The following GRK3 variants were observed in gnomAD, a reference collection of about 807,000 sequenced individuals.
GRK3 encodes the protein adrenergic, beta, receptor kinase 2.
A neutral mutation model predicts 95.7 loss-of-function variants in GRK3; 54 were observed. The ratio of observed to expected loss-of-function variants is 0.56; its 90% CI spans 0.45 to 0.71. The LOEUF (loss-of-function observed/expected upper bound fraction) is 0.71. GRK3 is among the 30% of genes least tolerant of loss of function. GRK3 has a pLI of 0.00. For missense variants in GRK3, 649 were observed against 851.2 expected (o/e 0.76, Z 2.96); for synonymous variants, 281 against 290.8 (o/e 0.97, Z 0.34).
chr22:25,711,111 C>T lies in GRK3; in HGVS notation c.1439C>T (p.Ala480Val). 1 of 1,613,816 alleles carries T rather than the reference C, an allele frequency of 6.2e-7. No individual in the cohort carries two copies. Among genetic ancestry groups the T allele is most frequent in the African/African-American group, 1.3e-5 (1 of 75,026 alleles). The stretch of plus-strand genomic sequence containing the variant: ...CCTCCCCGGGGAGAAGTCAATGCTG[C>T]TGATGCCTTTGATATTGGCTCATTT... ...LIPPRGEVNA[A>V]DAFDIGSFDE... The change falls in exon 17 of 21, where the codon GCT becomes GTT. Residue 480 changes from alanine to valine, a missense_variant. Ala to Val is a moderately conservative substitution (Grantham distance 64). Transcript: ENST00000324198.
intron 1 of GRK3, among the ~76,000 whole-genome samples, chr22:25,590,550 G>A (rs970265633): frequency 3.9e-5 from 6 of 152,142 alleles, no homozygotes; most frequent in African/African-American, 1.2e-4. Context: ...GGCCGGGCGC[G>A]GTGGCTCATG....
intron 2 of GRK3, among the ~76,000 whole-genome samples, chr22:25,619,851 G>A (rs2084568248): frequency 6.6e-6 from 1 of 151,930 alleles, no homozygotes; most frequent in South Asian, 2.1e-4. Flanking sequence ...CATCTATGAA[G>A]TGGTTGGTTT....
In GRK3 at chr22:25,721,386, TTGCAA is replaced by T; in HGVS notation, c.1897_1901del (p.Gln633Ter). ...AATAAAAGGAGGGAAACAATTTGTC[TTGCAA>T]TGTGAGGTGAGTTTTTATTTTTTCT... On this transcript the variant is annotated frameshift_variant, in exon 20 of 21. Transcript: ENST00000324198. LOFTEE classifies it high-confidence loss of function. 1 of 1,573,198 alleles carries T rather than the reference TTGCAA, an allele frequency of 6.4e-7. No individual in the cohort carries two copies. Among genetic ancestry groups the T allele is most frequent in the South Asian group, 1.2e-5 (1 of 86,468 alleles).
rs2085453127 is a variant in GRK3 at position 25,723,779 on chromosome 22, AT to A, written c.*1330del. ...CTACTAACAGTATAAATAACTTGAC[AT>A]CGTAATTGTCTGCATCCTGTCCTTG... On this transcript the variant is annotated 3_prime_UTR_variant, in exon 21 of 21. Transcript: ENST00000324198. The A allele has an allele frequency of 6.6e-6, 1 of 152,190 alleles. No individual in the cohort carries two copies. The highest frequency in any genetic ancestry group is 2.4e-5 in the African/African-American group (1 of 41,452). The allele number at this position is 152,190 out of a possible 1,614,324, so 9.4% of individuals were successfully genotyped here. A position where few individuals can be genotyped will look rare whatever the true frequency, so the allele number is the denominator to read the frequency against.
intron 1 of GRK3, among the ~76,000 whole-genome samples, chr22:25,594,285 T>C (rs1229919064): frequency 1.3e-5 from 2 of 152,198 alleles, no homozygotes; most frequent in South Asian, 2.1e-4. Flanking sequence ...ATTTCTTTCA[T>C]TGGTGTTTTG....
chr22:25,668,435 C>T (rs566206379), intron 6 of GRK3, among the ~76,000 whole-genome samples: 3 of 152,288 alleles, frequency 2.0e-5, no homozygotes, highest in Admixed American at 2.0e-4. Flanking sequence ...ATATCTCATG[C>T]TAGAGCTTTC....
chr22:25,569,030 A>T (rs184302961), intron 1 of GRK3, among the ~76,000 whole-genome samples: 1 of 152,312 alleles, frequency 6.6e-6, no homozygotes, highest in African/African-American at 2.4e-5. Context: ...TTTATTCGGT[A>T]ATTGTTTAAC....
intron 1 of GRK3, among the ~76,000 whole-genome samples, chr22:25,579,852 A>G (rs901662634): frequency 7.9e-5 from 12 of 152,170 alleles, no homozygotes; most frequent in African/African-American, 2.7e-4. Flanking sequence ...CCATTTTGCA[A>G]TTCTTAATGA....
intron 2 of GRK3, among the ~76,000 whole-genome samples, chr22:25,620,011 T>TGC (rs2084571410): frequency 2.0e-5 from 2 of 99,684 alleles, no homozygotes; most frequent in Admixed American, 1.8e-4. Flanking sequence ...CTTTTTTGTG[T>TGC]GTGTGTGTGT....
At chr22:25,683,570 TTC>T in intron 9 of GRK3, among the ~76,000 whole-genome samples, 1 of 152,244 alleles carries the variant, frequency 6.6e-6, no homozygotes, top group East Asian at 1.9e-4. Flanking sequence ...TTTTTAGCTG[TTC>T]TCGTGGGTTT....
At chr22:25,615,197 G>C (rs1218432302) in intron 2 of GRK3, among the ~76,000 whole-genome samples, 1 of 152,168 alleles carries the variant, frequency 6.6e-6, no homozygotes, top group African/African-American at 2.4e-5. Flanking sequence ...CTCTCTGCCA[G>C]TGTCCACGTA....
chr22:25,661,763 G>C, intron 4 of GRK3, 86 bp downstream of exon 4: 1 of 831,590 alleles, frequency 1.2e-6, no homozygotes, highest in Non-Finnish European at 1.8e-6. Context: ...TTAAACAGTA[G>C]AAAGGTGTTT....
At chr22:25,683,253 C>T (rs2085088472) in intron 9 of GRK3, among the ~76,000 whole-genome samples, 1 of 152,222 alleles carries the variant, frequency 6.6e-6, no homozygotes, top group African/African-American at 2.4e-5. Context: ...TATAAATATA[C>T]CATACTATCC....
At chr22:25,566,484 T>C (rs891236361) in intron 1 of GRK3, among the ~76,000 whole-genome samples, 12 of 152,240 alleles carry the variant, frequency 7.9e-5, no homozygotes, top group African/African-American at 2.9e-4. Context: ...ACATGCTTGC[T>C]AGGTATTTTG....
chr22:25,601,163 C>G (rs1347170907), intron 1 of GRK3, among the ~76,000 whole-genome samples: 2 of 152,162 alleles, frequency 1.3e-5, no homozygotes, highest in Non-Finnish European at 2.9e-5. Context: ...ACCAACTTGA[C>G]CCAGTTGGTG....
At position 25,690,198 on chromosome 22, in the gene GRK3, A is replaced by G; in HGVS notation, c.967A>G (p.Ile323Val). 6.2e-7 allele frequency: 1 copy of G among 1,613,686 alleles called. No individual in the cohort carries two copies. Among genetic ancestry groups the G allele is most frequent in the Non-Finnish European group, 8.5e-7 (1 of 1,179,718 alleles). ...VVYRDLKPAN[I>V]LLDEHGHARI... ...TTCTCTTTCTGTTTAGCCAGCAAAT[A>G]TTCTCTTGGATGAACATGGACACGC... Residue 323 changes from isoleucine to valine, a missense_variant, in exon 12 of 21, where the codon ATT becomes GTT. Physicochemically the swap from Ile to Val is conservative, Grantham distance 29. Coordinates refer to ENST00000324198, the MANE Select transcript of GRK3 (RefSeq NM_005160.4).
chr22:25,709,846 T>A lies in GRK3; in HGVS notation c.1329-52T>A, dbSNP rs372724630. ...ACAGGAGACAGTTTTGCACAATATT[T>A]ATTACGTTTCCAAATGCATACTCAG... On this transcript the variant is annotated intron_variant, in intron 15 of 20. Coordinates refer to ENST00000324198, the MANE Select transcript of GRK3 (RefSeq NM_005160.4). 5.7e-5 allele frequency: 77 copies of A among 1,362,784 alleles called. No homozygotes were observed. In the African/African-American group the frequency reaches 1.0e-3, roughly 18 times the overall value. 84.4% of individuals were successfully genotyped at this position (1,362,784 alleles called of 1,614,324 possible).
At chr22:25,689,413 C>A (rs1425658495) in intron 11 of GRK3, among the ~76,000 whole-genome samples, 1 of 152,126 alleles carries the variant, frequency 6.6e-6, no homozygotes, top group Non-Finnish European at 1.5e-5. Flanking sequence ...AAACTTAATT[C>A]TAGTCACTCA....
chr22:25,614,021 A>G (rs2084518810), intron 2 of GRK3, among the ~76,000 whole-genome samples: 1 of 152,202 alleles, frequency 6.6e-6, no homozygotes, highest in South Asian at 2.1e-4. Context: ...AAAAATTCAG[A>G]AAAGCTACAT....
Sources: gnomAD v4.1 joint callset for allele counts (sites outside exome capture counted in the v4.1 genomes callset) on GRCh38, gnomAD v4.1.1 for gene constraint, MANE v1.5 for transcripts, NCBI Gene and HGNC (gene_info 2026-07-23, HGNC 2026-07-21) for gene names.